The following CYP19A1 variants were observed in gnomAD, a reference collection of about 807,000 sequenced individuals.
CYP19A1 encodes the protein cytochrome P450 family 19 subfamily A member 1.
CYP19A1 carries 32 observed loss-of-function variants against 44.4 expected under a neutral mutation model. The ratio of observed to expected loss-of-function variants is 0.72; its 90% confidence interval spans 0.54 to 0.97. The LOEUF (loss-of-function observed/expected upper bound fraction) is 0.97. CYP19A1 is among the 50% of genes least tolerant of loss of function. The pLI is 0.00. For synonymous variants in CYP19A1, 212 were observed against 215.6 expected, an observed-to-expected ratio of 0.98 and a Z score of 0.14; for missense variants, 598 against 637.8, an observed-to-expected ratio of 0.94 and a Z score of 0.67.
intron 1 of CYP19A1, among the ~76,000 whole-genome samples, chr15:51,252,518 G>A (rs962739166): frequency 6.6e-6 from 1 of 152,166 alleles, no homozygotes; most frequent in Non-Finnish European, 1.5e-5. Flanking sequence ...TTGATAATGG[G>A]GTGTTACATT....
In CYP19A1 at chr15:51,304,137, G is replaced by C. The variant is rs1595772479; in HGVS notation, c.-39+34358C>G. The stretch of plus-strand genomic sequence containing the variant: ...CACTTTGGTTTAAAATATTGACCTT[G>C]TATTTAGTATTTTGCTAGTGATTTC... On this transcript the variant is annotated intron_variant, in intron 1 of 9. Coordinates refer to ENST00000396402, the MANE Select transcript of CYP19A1 (RefSeq NM_000103.4). Among the ~76,000 whole-genome samples the C allele has an allele frequency of 2.6e-5, 4 of 152,210 alleles. No individual in the cohort carries two copies. The South Asian group carries it at 8.3e-4, about 32-fold the overall frequency.
chr15:51,291,259 A>G (rs1190170280), intron 1 of CYP19A1, among the ~76,000 whole-genome samples: 5 of 152,108 alleles, frequency 3.3e-5, no homozygotes, highest in East Asian at 1.9e-4. Context: ...CACTGGTTGC[A>G]TGGGCCCAGA....
intron 3 of CYP19A1, among the ~76,000 whole-genome samples, chr15:51,232,092 C>T (rs8028259): frequency 6.6e-6 from 1 of 152,148 alleles, no homozygotes; most frequent in African/African-American, 2.4e-5. Flanking sequence ...AATTCCTTTG[C>T]CCACACATCT....
chr15:51,215,989 A>G (rs1345976178), intron 6 of CYP19A1, 172 bp from the exon 7 acceptor site: 2 of 1,283,074 alleles, frequency 1.6e-6, no homozygotes, highest in African/African-American at 3.0e-5. Context: ...AATTACATAG[A>G]CCCTACACTT....
At chr15:51,302,255 C>T (rs2036130056) in intron 1 of CYP19A1, among the ~76,000 whole-genome samples, 1 of 152,210 alleles carries the variant, frequency 6.6e-6, no homozygotes, top group Non-Finnish European at 1.5e-5. Context: ...CAGTCCTGGG[C>T]ATATTCACTT....
At chr15:51,271,036 T>C (rs1017284804) in intron 1 of CYP19A1, among the ~76,000 whole-genome samples, 4 of 129,254 alleles carry the variant, frequency 3.1e-5, no homozygotes, top group Non-Finnish European at 6.9e-5. Context: ...TATGTGCAAG[T>C]CTAAGCATTT....
At position 51,218,600 on chromosome 15, in the gene CYP19A1, G is replaced by T; in HGVS notation, c.684C>A (p.Leu228=). The change falls in exon 6 of 10, where the codon CTC becomes CTA. Residue 228 remains leucine, a synonymous_variant. Coordinates refer to ENST00000396402, the MANE Select transcript of CYP19A1 (RefSeq NM_000103.4). ...QGYFDAWQAL[L]IKPDIFFKIS... ...TCTTAAAGAAGATGTCTGGTTTGATGAGGAGAGCTTGCCATGCATCAAAAT... is the reference window on the plus strand; with the variant it reads ...TCTTAAAGAAGATGTCTGGTTTGATTAGGAGAGCTTGCCATGCATCAAAAT... The T allele has an allele frequency of 1.9e-6, 3 of 1,613,840 alleles. No homozygotes were observed. The highest frequency in any genetic ancestry group is 2.5e-6 in the Non-Finnish European group (3 of 1,179,896).
At chr15:51,306,821 A>G (rs1359384433) in intron 1 of CYP19A1, among the ~76,000 whole-genome samples, 1 of 152,214 alleles carries the variant, frequency 6.6e-6, no homozygotes, top group African/African-American at 2.4e-5. Flanking sequence ...GAGGAGGGAA[A>G]TTATCTAGAG....
At position 51,218,668 on chromosome 15, in the gene CYP19A1, A is replaced by C; in HGVS notation, c.629-13T>G. 3 of 1,608,348 alleles carry C rather than the reference A, an allele frequency of 1.9e-6. No homozygotes were observed. Among genetic ancestry groups the C allele is most frequent in the Non-Finnish European group, 2.5e-6 (3 of 1,176,992 alleles). On this transcript the variant is annotated splice_polypyrimidine_tract_variant and intron_variant, in intron 5 of 9. Coordinates refer to ENST00000396402, the MANE Select transcript of CYP19A1 (RefSeq NM_000103.4). ...ACGATAGCACTTTCTGTAGGAAAAA[A>C]AAACACACATACACAAGAAAGAGCA...
intron 1 of CYP19A1, among the ~76,000 whole-genome samples, chr15:51,265,379 T>C (rs2034879044): frequency 6.6e-6 from 1 of 152,172 alleles, no homozygotes; most frequent in South Asian, 2.1e-4. Context: ...ATTTTGAGTT[T>C]CAAAATCCAG....
At chr15:51,216,505 G>A (rs1372668601) in intron 6 of CYP19A1, among the ~76,000 whole-genome samples, 2 of 152,050 alleles carry the variant, frequency 1.3e-5, no homozygotes, top group African/African-American at 2.4e-5. Context: ...CACCCACCTC[G>A]GCCTCCCAAA....
chr15:51,330,139 A>G (rs572779638), intron 1 of CYP19A1, among the ~76,000 whole-genome samples: 1 of 152,264 alleles, frequency 6.6e-6, no homozygotes, highest in East Asian at 1.9e-4. Context: ...GTGAGGCACA[A>G]GGGCGGAATG....
intron 1 of CYP19A1, among the ~76,000 whole-genome samples, chr15:51,297,868 A>ACACACACACACACACACACACACC (rs1173662173): frequency 1.4e-5 from 2 of 146,676 alleles, no homozygotes; most frequent in African/African-American, 2.5e-5. Flanking sequence ...ACACACACAC[A>ACACACACACACACACACACACACC]CCCTAGGCCT....
At chr15:51,281,001 G>A (rs995540295) in intron 1 of CYP19A1, among the ~76,000 whole-genome samples, 3 of 152,254 alleles carry the variant, frequency 2.0e-5, no homozygotes, top group Non-Finnish European at 2.9e-5. Context: ...AGGCCCAGGC[G>A]CCCGTTACTG....
At position 51,219,178 on chromosome 15, in the gene CYP19A1, A is replaced by C. The variant is rs145074490; in HGVS notation, c.629-523T>G. ...ATCATGTTCTCATGGTGCTTTATTC[A>C]TTTTTCCCCCATAACACTCATCACA... On this transcript the variant is annotated intron_variant, in intron 5 of 9. Coordinates refer to ENST00000396402, the MANE Select transcript of CYP19A1 (RefSeq NM_000103.4). Among the ~76,000 whole-genome samples, 279 of 152,132 alleles carry C rather than the reference A, an allele frequency of 1.8e-3. 1 individual carries two copies. The highest frequency in any genetic ancestry group is 6.4e-3 in the African/African-American group (265 of 41,486).
chr15:51,262,440 C>G (rs1467480103), intron 1 of CYP19A1, among the ~76,000 whole-genome samples: 1 of 152,142 alleles, frequency 6.6e-6, no homozygotes, highest in Non-Finnish European at 1.5e-5. Context: ...GGTCTCAGCA[C>G]TCTCTATTCT....
At chr15:51,234,353 T>C (rs2033241435) in intron 3 of CYP19A1, among the ~76,000 whole-genome samples, 1 of 152,088 alleles carries the variant, frequency 6.6e-6, no homozygotes, top group African/African-American at 2.4e-5. Context: ...GATGGTAGTG[T>C]GGGTGGGTTG....
intron 1 of CYP19A1, among the ~76,000 whole-genome samples, chr15:51,257,649 G>A (rs982192762): frequency 6.6e-6 from 1 of 152,170 alleles, no homozygotes; most frequent in Non-Finnish European, 1.5e-5. Flanking sequence ...CCTGAGCCCA[G>A]GTCTCCAGGA....
chr15:51,327,942 A>G (rs1195721528), intron 1 of CYP19A1, among the ~76,000 whole-genome samples: 2 of 152,242 alleles, frequency 1.3e-5, no homozygotes, highest in Non-Finnish European at 2.9e-5. Context: ...AAGCAATTTT[A>G]TAGAAAAATA....
Sources: allele counts gnomAD v4.1 joint callset (sites outside exome capture counted in the v4.1 genomes callset), GRCh38; gene constraint gnomAD v4.1.1; transcripts MANE v1.5; gene names NCBI Gene and HGNC (gene_info 2026-07-23, HGNC 2026-07-21).